GALNT13: variants seen among roughly 807,000 people sequenced by gnomAD.
The protein encoded by GALNT13 is polypeptide N-acetylgalactosaminyltransferase 13.
A neutral mutation model predicts 64.2 loss-of-function variants in GALNT13; 28 were observed. That is an observed-to-expected ratio of 0.44 (90% CI 0.32 to 0.60). The LOEUF (loss-of-function observed/expected upper bound fraction) is 0.60, where lower values mean the gene tolerates loss of function less well. GALNT13 is among the 20% of genes least tolerant of loss of function. The pLI, the probability that GALNT13 is intolerant of heterozygous loss-of-function variation, is 0.05. For synonymous variants in GALNT13, 214 were observed against 224.6 expected (o/e 0.95, Z 0.42); for missense variants, 577 against 669.8 (o/e 0.86, Z 1.53).
chr2:153,643,352 A>G, the GALNT13 span, among the ~76,000 whole-genome samples: 1 of 151,620 alleles, frequency 6.6e-6, no homozygotes, highest in Non-Finnish European at 1.5e-5. Context: ...ATAAAGGATC[A>G]ATAAAAATAT....
the GALNT13 span, among the ~76,000 whole-genome samples, chr2:153,746,052 A>G: frequency 1.4e-4 from 22 of 152,174 alleles, no homozygotes; most frequent in Admixed American, 3.9e-4. Flanking sequence ...CACCCTTACA[A>G]TAGTGATACG....
intron 4 of GALNT13, among the ~76,000 whole-genome samples, chr2:154,163,840 C>G (rs927195910): frequency 6.6e-6 from 1 of 152,126 alleles, no homozygotes; most frequent in African/African-American, 2.4e-5. Flanking sequence ...GATAACATTT[C>G]TAAAAATAGC....
chr2:153,942,031 A>T lies in GALNT13; in HGVS notation c.-104-2363A>T, dbSNP rs1691371671. 2.6e-5 allele frequency among the ~76,000 whole-genome samples: 4 copies of T among 152,176 alleles called. No individual in the cohort carries two copies. The South Asian group carries it at 8.3e-4, about 31-fold the overall frequency. On this transcript the variant is annotated intron_variant, in intron 2 of 12. Transcript: ENST00000392825. ...TTAAGTTAAATTCTCAATAACCTCA[A>T]CTGTTAGGCTTTTATTAGGAAATGA...
intron 2 of GALNT13, among the ~76,000 whole-genome samples, chr2:153,902,768 T>A (rs561292193): frequency 6.6e-6 from 1 of 152,198 alleles, no homozygotes; most frequent in African/African-American, 2.4e-5. Flanking sequence ...TTGTTTTAAA[T>A]GTTAATGACT....
chr2:154,209,505 T>C (rs186524368), intron 4 of GALNT13, among the ~76,000 whole-genome samples: 1 of 152,322 alleles, frequency 6.6e-6, no homozygotes, highest in Admixed American at 6.5e-5. Flanking sequence ...CTCCTGCTAA[T>C]GATTGTGTCT....
chr2:153,441,307 A>T, the GALNT13 span, among the ~76,000 whole-genome samples: 1 of 152,140 alleles, frequency 6.6e-6, no homozygotes. Flanking sequence ...ATTGGTCTAT[A>T]TATCTGTTTT....
the GALNT13 span, among the ~76,000 whole-genome samples, chr2:153,536,099 C>T: frequency 2.0e-5 from 3 of 152,124 alleles, no homozygotes; most frequent in Non-Finnish European, 2.9e-5. Context: ...GAATAGAGTA[C>T]GCTGACATGT....
the GALNT13 span, among the ~76,000 whole-genome samples, chr2:153,374,047 A>C: frequency 1.3e-5 from 2 of 152,168 alleles, no homozygotes; most frequent in Non-Finnish European, 2.9e-5. Context: ...TCCTTTTGGC[A>C]GTTGTGAATA....
At chr2:153,940,513 T>C (rs1405260908) in intron 2 of GALNT13, among the ~76,000 whole-genome samples, 1 of 152,094 alleles carries the variant, frequency 6.6e-6, no homozygotes, top group Admixed American at 6.6e-5. Context: ...TGCCTCAGCC[T>C]CCCAAATTGC....
chr2:153,408,184 T>C, the GALNT13 span, among the ~76,000 whole-genome samples: 1 of 152,122 alleles, frequency 6.6e-6, no homozygotes. Flanking sequence ...GAGTGGACCA[T>C]GAACTGTGGG....
At chr2:153,549,197 A>C in the GALNT13 span, among the ~76,000 whole-genome samples, 3 of 152,216 alleles carry the variant, frequency 2.0e-5, no homozygotes, top group Non-Finnish European at 1.5e-5. Flanking sequence ...ATGTTTGCAC[A>C]ATCACGTGAA....
the GALNT13 span, among the ~76,000 whole-genome samples, chr2:153,086,156 G>A: frequency 6.6e-6 from 1 of 152,178 alleles, no homozygotes. Context: ...TTGTATCTGG[G>A]AAGTAACTAA....
At chr2:153,800,577 C>T in the GALNT13 span, among the ~76,000 whole-genome samples, 1 of 152,214 alleles carries the variant, frequency 6.6e-6, no homozygotes, top group Admixed American at 6.5e-5. Flanking sequence ...TCAATCTTCT[C>T]AAAACCTGCA....
chr2:153,581,374 G>A, the GALNT13 span, among the ~76,000 whole-genome samples: 5 of 151,332 alleles, frequency 3.3e-5, no homozygotes, highest in African/African-American at 7.3e-5. Context: ...TTTTTCCCAC[G>A]GTTATTTTAT....
the GALNT13 span, among the ~76,000 whole-genome samples, chr2:153,633,979 A>G: frequency 1.3e-5 from 2 of 152,178 alleles, no homozygotes; most frequent in African/African-American, 2.4e-5. Context: ...TAAAAATCAA[A>G]TTAGCTACCT....
At chr2:153,818,803 T>G in the GALNT13 span, among the ~76,000 whole-genome samples, 1 of 152,150 alleles carries the variant, frequency 6.6e-6, no homozygotes, top group South Asian at 2.1e-4. Flanking sequence ...TCTGAGCATT[T>G]TACCTGCATC....
At chr2:153,831,437 T>C in the GALNT13 span, among the ~76,000 whole-genome samples, 1 of 152,282 alleles carries the variant, frequency 6.6e-6, no homozygotes, top group South Asian at 2.1e-4. Flanking sequence ...AATTGTGCTC[T>C]TCTCTTCCCA....
At chr2:154,255,785 C>A (rs576820027) in intron 7 of GALNT13, among the ~76,000 whole-genome samples, 3 of 152,204 alleles carry the variant, frequency 2.0e-5, no homozygotes, top group Non-Finnish European at 4.4e-5. Flanking sequence ...GGTGTGGTGA[C>A]TAACACCTGT....
the GALNT13 span, among the ~76,000 whole-genome samples, chr2:153,283,145 G>GA: frequency 2.4e-4 from 36 of 152,306 alleles, no homozygotes; most frequent in East Asian, 5.6e-3. Context: ...AGGGAGACAA[G>GA]AAAAAGATGG....
Sources: gnomAD v4.1 joint callset for allele counts (sites outside exome capture counted in the v4.1 genomes callset) on GRCh38, gnomAD v4.1.1 for gene constraint, MANE v1.5 for transcripts, NCBI Gene and HGNC (gene_info 2026-07-23, HGNC 2026-07-21) for gene names.